IFI16: variants seen among roughly 807,000 people sequenced by gnomAD.
IFI16 encodes the protein interferon gamma inducible protein 16.
In IFI16, 49 loss-of-function variants were observed where a neutral mutation model predicts 68.4. The observed-to-expected ratio is 0.72, with a 90% CI of 0.57 to 0.91. The LOEUF (loss-of-function observed/expected upper bound fraction) is 0.91. Among genes scored for constraint, IFI16 ranks in the 40% least tolerant of loss-of-function variants. The probability of loss-of-function intolerance (pLI) is 0.00; values close to 1 mark genes in which losing one functional copy is unlikely to be tolerated. For missense variants in IFI16, 878 were observed against 942.9 expected, an observed-to-expected ratio of 0.93 and a Z score of 0.90; for synonymous variants, 307 against 315.0, an observed-to-expected ratio of 0.97 and a Z score of 0.27.
Position 159,054,953 on chromosome 1 carries a change from A to T in IFI16, c.*52A>T, listed in dbSNP as rs1340772349. On this transcript the variant is annotated 3_prime_UTR_variant, in exon 12 of 12. Transcript: ENST00000295809. ...TTATGGAGATAAGGTCTAAGTGCCT[A>T]AAAAAATGTACATATACCTGGTTGA... 1.0e-6 allele frequency: 1 copy of T among 965,484 alleles called. No individual in the cohort carries two copies. Among genetic ancestry groups the T allele is most frequent in the Non-Finnish European group, 1.6e-6 (1 of 610,272 alleles). 59.8% of individuals were successfully genotyped at this position (965,484 alleles called of 1,614,324 possible). A position where few individuals can be genotyped will look rare whatever the true frequency, so the allele number is the denominator to read the frequency against.
chr1:159,004,502 T>G (rs79675666), upstream of IFI16, among the ~76,000 whole-genome samples: 1 of 152,118 alleles, frequency 6.6e-6, no homozygotes, highest in Non-Finnish European at 1.5e-5. Flanking sequence ...ATCAGGAGTT[T>G]GAGACCAGCC....
At chr1:159,028,611 G>T (rs1329193336) in intron 6 of IFI16, among the ~76,000 whole-genome samples, 1 of 152,090 alleles carries the variant, frequency 6.6e-6, no homozygotes, top group African/African-American at 2.4e-5. Flanking sequence ...GCTTTCAGTG[G>T]AGTATTGAAG....
chr1:159,005,284 T>A (rs896083501), upstream of IFI16, among the ~76,000 whole-genome samples: 2 of 152,196 alleles, frequency 1.3e-5, no homozygotes, highest in Admixed American at 1.3e-4. Flanking sequence ...AGTGGGAAAG[T>A]ATGCATGTCC....
chr1:159,052,121 T>C (rs773553164), intron 10 of IFI16, 23 bp downstream of exon 10: 3 of 1,564,440 alleles, frequency 1.9e-6, no homozygotes, highest in Non-Finnish European at 2.6e-6. Flanking sequence ...CATTGTTTTA[T>C]AAAATTTCTC....
chr1:159,033,336 T>C (rs1654122869), intron 7 of IFI16, among the ~76,000 whole-genome samples: 1 of 152,244 alleles, frequency 6.6e-6, no homozygotes, highest in African/African-American at 2.4e-5. Flanking sequence ...TTATAATGTG[T>C]TCCCCATACT....
chr1:159,054,176 C>G (rs553617229), intron 11 of IFI16, among the ~76,000 whole-genome samples: 1 of 152,282 alleles, frequency 6.6e-6, no homozygotes, highest in South Asian at 2.1e-4. Flanking sequence ...AAGAATGCAT[C>G]TGAGCAAATC....
At chr1:159,018,110 T>G (rs1177303909) in intron 4 of IFI16, 119 bp from the exon 5 acceptor site, 2 of 764,904 alleles carry the variant, frequency 2.6e-6, no homozygotes, top group Non-Finnish European at 4.3e-6. Flanking sequence ...CTATCCTGAC[T>G]CCAGCTCTAA....
chr1:159,052,212 A>T (rs1223375909), intron 10 of IFI16, 114 bp downstream of exon 10: 3 of 733,732 alleles, frequency 4.1e-6, no homozygotes, highest in Non-Finnish European at 6.7e-6. Context: ...CAACCCCTTC[A>T]CCCTTCCCCC....
Position 159,052,023 on chromosome 1 carries a change from C to T in IFI16, c.2010C>T (p.Ser670=), listed in dbSNP as rs773070697. ...EIPKGLIRSA[S]VTPKINQLCS... The stretch of plus-strand genomic sequence containing the variant: ...CAAAAGGATTGATTAGAAGTGCCAG[C>T]GTAACTCCTAAAATCAATCAGCTTT... The change falls in exon 10 of 12, where the codon AGC becomes AGT. Residue 670 remains serine, a synonymous_variant. Coordinates refer to ENST00000295809, the MANE Select transcript of IFI16 (RefSeq NM_001376587.1). The T allele has an allele frequency of 3.2e-5, 51 of 1,613,804 alleles. No homozygotes were observed. Among genetic ancestry groups the T allele is most frequent in the African/African-American group, 1.2e-4 (9 of 74,888 alleles).
At position 159,015,906 on chromosome 1, in the gene IFI16, G is replaced by C. The variant is rs779963703; in HGVS notation, c.300G>C (p.Lys100Asn). The C allele has an allele frequency of 2.5e-6, 4 of 1,613,902 alleles. No homozygotes were observed. Among genetic ancestry groups the C allele is most frequent in the Non-Finnish European group, 3.4e-6 (4 of 1,179,900 alleles). Residue 100 changes from lysine (K) to asparagine (N), a missense_variant, in exon 3 of 12, where the codon AAG becomes AAC. By Grantham distance (94) the Lys-to-Asn change is moderately conservative. This residue lies in a region of IFI16 where 443 missense variants were observed against 421.8 expected (regional missense o/e 1.05). Transcript: ENST00000295809. The part of the protein sequence containing the change: ...KGPALSRKRK[K>N]EVDATSPAPS... ...CAGCCCTATCAAGAAAGAGGAAGAA[G>C]GAAGTGGATGCTACTTCACCTGCAC...
At chr1:159,049,678 A>T in intron 9 of IFI16, 79 bp downstream of exon 9, 1 of 1,570,556 alleles carries the variant, frequency 6.4e-7, no homozygotes. Context: ...AAAGCACCTC[A>T]CCAATCCCCT....
At chr1:159,052,281 C>T in intron 10 of IFI16, 183 bp downstream of exon 10, 3 of 582,582 alleles carry the variant, frequency 5.1e-6, no homozygotes, top group Non-Finnish European at 9.2e-6. Flanking sequence ...TATATTGTAA[C>T]ATTCCTCTTC....
At chr1:159,018,969 C>T (rs115565648) in intron 5 of IFI16, among the ~76,000 whole-genome samples, 3,007 of 152,282 alleles carry the variant, frequency 0.02, 107 homozygotes, top group African/African-American at 0.069. Context: ...CATCCATACA[C>T]ACATGATACT....
In IFI16 at chr1:159,049,386, A is replaced by G; in HGVS notation, c.1498-46A>G. On this transcript the variant is annotated intron_variant, in intron 8 of 11. Coordinates refer to ENST00000295809, the MANE Select transcript of IFI16 (RefSeq NM_001376587.1). Reference sequence around the variant, plus strand: ...AAAAGATGTGTTTCATCTGATCTTGAAAAACATTAACTAGAAAAAAAGAAC... The same window carrying G: ...AAAAGATGTGTTTCATCTGATCTTGGAAAACATTAACTAGAAAAAAAGAAC... The G allele has an allele frequency of 5.3e-6, 5 of 939,060 alleles. No individual in the cohort carries two copies. In the South Asian group the frequency reaches 8.6e-5, roughly 16 times the overall value. 58.2% of individuals were successfully genotyped at this position (939,060 alleles called of 1,614,324 possible).
At chr1:159,022,250 C>G (rs1653383006) in intron 6 of IFI16, among the ~76,000 whole-genome samples, 1 of 152,110 alleles carries the variant, frequency 6.6e-6, no homozygotes, top group African/African-American at 2.4e-5. Context: ...AGGCGTGAGC[C>G]ACCGTGCCCG....
In IFI16 at chr1:159,053,631, G is replaced by T. The variant is rs778998782; in HGVS notation, c.2184G>T (p.Glu728Asp). 5.6e-6 allele frequency: 9 copies of T among 1,613,838 alleles called. No homozygotes were observed. Among genetic ancestry groups the T allele is most frequent in the Non-Finnish European group, 7.6e-6 (9 of 1,179,844 alleles). ...VHGRLTTINC[E>D]EGDKLKLTCF... ...GACGACTGACCACAATCAACTGTGA[G>T]GAAGGAGATAAACTGAAACTCACCT... Residue 728 changes from glutamate to aspartate, a missense_variant, in exon 11 of 12, where the codon GAG becomes GAT. By Grantham distance (45) the Glu-to-Asp change is conservative. This residue lies in a region of IFI16 where 311 missense variants were observed against 305.1 expected (regional missense o/e 1.02). Transcript: ENST00000295809.
chr1:159,024,089 C>T (rs937924911), intron 6 of IFI16, among the ~76,000 whole-genome samples: 1 of 152,156 alleles, frequency 6.6e-6, no homozygotes, highest in African/African-American at 2.4e-5. Flanking sequence ...TGCGTACAAG[C>T]GTGATAATAA....
intron 6 of IFI16, among the ~76,000 whole-genome samples, chr1:159,027,147 A>G (rs1653721086): frequency 1.3e-5 from 2 of 152,142 alleles, no homozygotes; most frequent in African/African-American, 4.8e-5. Flanking sequence ...GACCAGTATA[A>G]TGTTGTCTGT....
rs1386843639 is a variant in IFI16, at chr1:159,015,965, C to T, written c.359C>T (p.Ala120Val). 1 of 1,613,354 alleles carries T rather than the reference C, an allele frequency of 6.2e-7. No individual in the cohort carries two copies. The highest frequency in any genetic ancestry group is 8.5e-7 in the Non-Finnish European group (1 of 1,179,410). Residue 120 changes from alanine (A) to valine (V), a missense_variant, in exon 3 of 12, where the codon GCA (alanine) becomes GTA (valine). Physicochemically the swap from Ala to Val is moderately conservative, Grantham distance 64. Around this residue, in one of 4 missense-constraint regions of IFI16, gnomAD observed 443 missense variants for 421.8 expected, o/e 1.05. Coordinates refer to ENST00000295809, the MANE Select transcript of IFI16 (RefSeq NM_001376587.1). Reference sequence around the variant, plus strand: ...AGCAGCACTGTCAAAACTGAAGGAGCAGAGGCAACTCCTGGAGCTCAGGTA... The same window carrying T: ...AGCAGCACTGTCAAAACTGAAGGAGTAGAGGCAACTCCTGGAGCTCAGGTA... ...STSSTVKTEG[A>V]EATPGAQKRK... is the part of the protein sequence containing the mutation.
Sources: allele counts gnomAD v4.1 joint callset (sites outside exome capture counted in the v4.1 genomes callset), GRCh38; gene constraint gnomAD v4.1.1; regional missense constraint gnomAD v4.1.1; transcripts MANE v1.5; gene names NCBI Gene and HGNC (gene_info 2026-07-23, HGNC 2026-07-21).